Variants in EHBP1 observed in about 807,000 individuals in gnomAD.
EHBP1 encodes EH domain binding protein 1, also known as EH domain-binding protein 1.
In EHBP1, 55 loss-of-function variants were observed where a neutral mutation model predicts 144.0. The ratio of observed to expected loss-of-function variants is 0.38; its 90% CI spans 0.31 to 0.48. The LOEUF is 0.48. EHBP1 is among the 20% of genes least tolerant of loss of function. The pLI is 0.98. For missense variants in EHBP1, 1,200 were observed against 1,364.2 expected, an observed-to-expected ratio of 0.88 and a Z score of 1.90; for synonymous variants, 469 against 472.7, an observed-to-expected ratio of 0.99 and a Z score of 0.10.
At position 62,933,017 on chromosome 2, in the gene EHBP1, A is replaced by G. The variant is rs971509738; in HGVS notation, c.1186-9701A>G. Among the ~76,000 whole-genome samples the G allele has an allele frequency of 2.0e-5, 3 of 151,960 alleles. No individual in the cohort carries two copies. In the South Asian group the frequency reaches 6.2e-4, roughly 32 times the overall value. On this transcript the variant is annotated intron_variant, in intron 10 of 22. Transcript: ENST00000431489. The stretch of plus-strand genomic sequence containing the variant: ...GTGTATTTTACTACAATAAAAAGAA[A>G]TTATTAAAAAGTTATTGAGGAGCCC...
At chr2:62,846,953 G>T (rs1278451603) in intron 7 of EHBP1, among the ~76,000 whole-genome samples, 1 of 152,064 alleles carries the variant, frequency 6.6e-6, no homozygotes, top group Non-Finnish European at 1.5e-5. Flanking sequence ...ATCCTAGCAG[G>T]TGTTTTTTAA....
At position 63,045,304 on chromosome 2, in the gene EHBP1, C is replaced by T. The variant is rs1452001893; in HGVS notation, c.3393-106C>T. ...AGCCTCCCACTGGCCTGGTGCTCCCCATTCCCGCTGGGGATCCAAATACTG... is the reference window on the plus strand; with the variant it reads ...AGCCTCCCACTGGCCTGGTGCTCCCTATTCCCGCTGGGGATCCAAATACTG... On this transcript the variant is annotated intron_variant, in intron 22 of 22. Transcript: ENST00000431489. This position sits in a 1 kb window ranked among gnomAD's most constrained non-coding sequence, Gnocchi z 5.7. 2.2e-6 allele frequency: 3 copies of T among 1,371,312 alleles called. No homozygotes were observed. The highest frequency in any genetic ancestry group is 3.1e-6 in the Non-Finnish European group (3 of 980,008). The allele number at this position is 1,371,312 out of a possible 1,614,324, so 84.9% of individuals were successfully genotyped here.
chr2:62,712,735 G>T (rs1172857618), intron 2 of EHBP1, among the ~76,000 whole-genome samples: 2 of 152,154 alleles, frequency 1.3e-5, no homozygotes, highest in East Asian at 1.9e-4. Context: ...ATGATTGAAA[G>T]ATTTTAAAGA....
At chr2:62,720,179 G>A (rs2036087872) in intron 2 of EHBP1, among the ~76,000 whole-genome samples, 2 of 152,062 alleles carry the variant, frequency 1.3e-5, no homozygotes, top group African/African-American at 4.8e-5. Context: ...AAATGGTTAG[G>A]TATTTCTTTT....
chr2:63,014,670 A>T (rs142338828), intron 19 of EHBP1, among the ~76,000 whole-genome samples: 1 of 152,222 alleles, frequency 6.6e-6, no homozygotes, highest in African/African-American at 2.4e-5. Flanking sequence ...AACTGGGTAC[A>T]TTTTTATATA....
intron 14 of EHBP1, among the ~76,000 whole-genome samples, chr2:62,974,240 G>C (rs2058620145): frequency 6.6e-6 from 1 of 152,040 alleles, no homozygotes; most frequent in Non-Finnish European, 1.5e-5. Flanking sequence ...TTTTGAGGCA[G>C]GGTCTTGCTA....
At chr2:62,919,692 T>C (rs1433895475) in intron 10 of EHBP1, among the ~76,000 whole-genome samples, 2 of 152,078 alleles carry the variant, frequency 1.3e-5, no homozygotes, top group Non-Finnish European at 2.9e-5. Context: ...CTGAGAAAGA[T>C]CTAATGTCAG....
intron 1 of EHBP1, among the ~76,000 whole-genome samples, chr2:62,679,937 G>T (rs2033452661): frequency 6.6e-6 from 1 of 152,184 alleles, no homozygotes; most frequent in Non-Finnish European, 1.5e-5. Flanking sequence ...TGCTTCATCT[G>T]AGCGTTTATC....
chr2:62,940,037 T>A, intron 10 of EHBP1: 1 of 398,656 alleles, frequency 2.5e-6, no homozygotes, highest in Non-Finnish European at 5.0e-6. Flanking sequence ...AAGAAGTGTG[T>A]GCTGACTTGA....
chr2:62,730,049 A>G (rs1390065947), intron 2 of EHBP1, among the ~76,000 whole-genome samples: 2 of 152,138 alleles, frequency 1.3e-5, no homozygotes, highest in Non-Finnish European at 1.5e-5. Flanking sequence ...TGTGTTATTT[A>G]TTGACTACTG....
intron 10 of EHBP1, among the ~76,000 whole-genome samples, chr2:62,886,771 C>T (rs1270822469): frequency 6.6e-6 from 1 of 152,164 alleles, no homozygotes; most frequent in Non-Finnish European, 1.5e-5. Flanking sequence ...CCTACCTCCC[C>T]TGTACAAAGC....
chr2:62,865,078 T>C, intron 9 of EHBP1, 107 bp downstream of exon 9: 1 of 1,231,892 alleles, frequency 8.1e-7, no homozygotes, highest in Non-Finnish European at 1.1e-6. Context: ...ATGTACACTT[T>C]ATAAGTCAGT....
intron 2 of EHBP1, among the ~76,000 whole-genome samples, chr2:62,724,187 T>G (rs1449303959): frequency 6.6e-6 from 1 of 152,242 alleles, no homozygotes; most frequent in African/African-American, 2.4e-5. Context: ...TTCTTTTTTG[T>G]CTATTCTTGT....
intron 5 of EHBP1, among the ~76,000 whole-genome samples, chr2:62,821,283 T>C (rs1036414237): frequency 2.2e-4 from 33 of 152,154 alleles, no homozygotes; most frequent in African/African-American, 7.2e-4. Flanking sequence ...ATTACATTAA[T>C]TTTACTTATT....
chr2:62,953,003 G>A (rs567768257), intron 13 of EHBP1, among the ~76,000 whole-genome samples: 3 of 152,196 alleles, frequency 2.0e-5, no homozygotes, highest in South Asian at 4.2e-4. Context: ...TGGATCACCT[G>A]AGGTCGGGAG....
chr2:62,698,031 C>T (rs2034159567), intron 1 of EHBP1, among the ~76,000 whole-genome samples: 1 of 152,138 alleles, frequency 6.6e-6, no homozygotes, highest in Non-Finnish European at 1.5e-5. Context: ...CAAGTCACTG[C>T]AGGATTTTGG....
intron 18 of EHBP1, among the ~76,000 whole-genome samples, chr2:62,995,121 A>G (rs1212031365): frequency 6.6e-6 from 1 of 152,158 alleles, no homozygotes; most frequent in Non-Finnish European, 1.5e-5. Flanking sequence ...TCTGGCAGAT[A>G]GGTTCAAGAA....
intron 14 of EHBP1, among the ~76,000 whole-genome samples, chr2:62,968,460 G>C (rs1018780421): frequency 3.3e-5 from 5 of 152,116 alleles, no homozygotes. Flanking sequence ...AGAGACAAGA[G>C]AGAAGATGAA....
intron 10 of EHBP1, among the ~76,000 whole-genome samples, chr2:62,914,200 T>A (rs554048674): frequency 1.3e-5 from 2 of 152,154 alleles, no homozygotes; most frequent in Non-Finnish European, 2.9e-5. Context: ...GAGGAACTTA[T>A]GCCCTGGTCA....
Sources: gnomAD v4.1 joint callset for allele counts (sites outside exome capture counted in the v4.1 genomes callset) on GRCh38, gnomAD v4.1.1 for gene constraint, Gnocchi (gnomAD v3.1) non-coding constraint, MANE v1.5 for transcripts, NCBI Gene and HGNC (gene_info 2026-07-23, HGNC 2026-07-21) for gene names.